The following HTR2A variants were observed in gnomAD, a reference collection of about 807,000 sequenced individuals.
HTR2A encodes the protein 5-HT2 receptor.
In HTR2A, 14 loss-of-function variants were observed where a neutral mutation model predicts 31.0. That is an observed-to-expected ratio of 0.45 (90% CI 0.30 to 0.71). The LOEUF is 0.71. Among genes scored for constraint, HTR2A ranks in the 30% least tolerant of loss-of-function variants. HTR2A has a pLI of 0.09. For synonymous variants in HTR2A, 209 were observed against 225.2 expected, an observed-to-expected ratio of 0.93 and a Z score of 0.64; for missense variants, 442 against 573.3, an observed-to-expected ratio of 0.77 and a Z score of 2.34.
chr13:46,872,324 T>C (rs994316714), intron 3 of HTR2A, among the ~76,000 whole-genome samples: 5 of 146,672 alleles, frequency 3.4e-5, no homozygotes, highest in Admixed American at 2.1e-4. Flanking sequence ...CTGTATTGCA[T>C]GGTTTATTTG....
chr13:46,893,023 C>T (rs1951067271), intron 2 of HTR2A, among the ~76,000 whole-genome samples: 1 of 152,204 alleles, frequency 6.6e-6, no homozygotes, highest in Non-Finnish European at 1.5e-5. Flanking sequence ...AGTCTCACCT[C>T]TTAGTCATTA....
Position 46,834,570 on chromosome 13 carries a change from A to G in HTR2A, c.*267T>C. The stretch of plus-strand genomic sequence containing the variant: ...TAGGGCTTCATAATTATACAATAAA[A>G]GTGAATCATTTTAAAGACATATCAT... On this transcript the variant is annotated 3_prime_UTR_variant, in exon 4 of 4. Coordinates refer to ENST00000542664, the MANE Select transcript of HTR2A (RefSeq NM_000621.5). 2.5e-6 allele frequency: 1 copy of G among 397,450 alleles called. No homozygotes were observed. Among genetic ancestry groups the G allele is most frequent in the South Asian group, 5.4e-5 (1 of 18,552 alleles). 24.6% of individuals were successfully genotyped at this position (397,450 alleles called of 1,614,324 possible).
At chr13:46,885,489 C>T (rs151302640) in intron 3 of HTR2A, among the ~76,000 whole-genome samples, 17 of 152,294 alleles carry the variant, frequency 1.1e-4, no homozygotes, top group Non-Finnish European at 2.1e-4. Context: ...TTTTTAAGAT[C>T]TTCAAAATAT....
At chr13:46,865,545 T>C (rs1023831558) in intron 3 of HTR2A, among the ~76,000 whole-genome samples, 1 of 152,218 alleles carries the variant, frequency 6.6e-6, no homozygotes, top group Non-Finnish European at 1.5e-5. Flanking sequence ...CTGGGTCACC[T>C]GGACTGTACT....
rs36212791 is a variant in HTR2A, at chr13:46,896,888, C to T, written c.-543G>A. On this transcript the variant is annotated 5_prime_UTR_variant, in exon 1 of 4. In the 5' UTR this introduces an upstream ATG that the reference lacks. Transcript: ENST00000542664. The stretch of plus-strand genomic sequence containing the variant: ...AGGATCCTGTTGGCTTCCTCTGGCA[C>T]GGCTCGGCTGGGTTCCTCCCTCCCT... The T allele has an allele frequency of 8.7e-6, 13 of 1,489,894 alleles. No homozygotes were observed. The highest frequency in any genetic ancestry group is 2.5e-5 in the East Asian group (1 of 40,458). The allele number at this position is 1,489,894 out of a possible 1,614,324, so 92.3% of individuals were successfully genotyped here.
chr13:46,865,664 G>T (rs571234345), intron 3 of HTR2A, among the ~76,000 whole-genome samples: 1 of 152,344 alleles, frequency 6.6e-6, no homozygotes, highest in East Asian at 1.9e-4. Context: ...AATGTGGCTG[G>T]TGTGACAGAG....
intron 3 of HTR2A, among the ~76,000 whole-genome samples, chr13:46,848,088 TG>T (rs1950657096): frequency 6.6e-6 from 1 of 152,238 alleles, no homozygotes; most frequent in Non-Finnish European, 1.5e-5. Flanking sequence ...TTGGTTTTAC[TG>T]TCTTTCAGTG....
At chr13:46,862,229 T>C (rs1453754374) in intron 3 of HTR2A, among the ~76,000 whole-genome samples, 2 of 152,232 alleles carry the variant, frequency 1.3e-5, no homozygotes, top group African/African-American at 4.8e-5. Context: ...AATGCATATG[T>C]GGTTTTGAAC....
chr13:46,896,257 A>G, intron 1 of HTR2A, 23 bp from the exon 2 acceptor site: 2 of 1,092,602 alleles, frequency 1.8e-6, no homozygotes, highest in Admixed American at 4.6e-5. Flanking sequence ...GAAAAGTTTT[A>G]TAACTACTGG....
chr13:46,849,758 T>A (rs1950668168), intron 3 of HTR2A, among the ~76,000 whole-genome samples: 1 of 152,188 alleles, frequency 6.6e-6, no homozygotes. Flanking sequence ...TTTCTCTGAT[T>A]TGTTTTTTTC....
At position 46,842,297 on chromosome 13, in the gene HTR2A, C is replaced by T. The variant is rs185187308; in HGVS notation, c.614-6658G>A. 1.6e-4 allele frequency among the ~76,000 whole-genome samples: 24 copies of T among 152,184 alleles called. No homozygotes were observed. In the East Asian group the frequency reaches 4.4e-3, roughly 28 times the overall value. On this transcript the variant is annotated intron_variant, in intron 3 of 3. Coordinates refer to ENST00000542664, the MANE Select transcript of HTR2A (RefSeq NM_000621.5). ...ATTTAGAAAAAAAACTCATCTCTGT[C>T]CTACATTATTGGGCCCCATCTTGAA... is the stretch of plus-strand genomic sequence containing the variant.
At chr13:46,891,086 T>A (rs1426825623) in intron 3 of HTR2A, among the ~76,000 whole-genome samples, 2 of 152,162 alleles carry the variant, frequency 1.3e-5, no homozygotes, top group East Asian at 3.8e-4. Flanking sequence ...AAGTTTAGAG[T>A]CCTAGTCCTG....
intron 3 of HTR2A, among the ~76,000 whole-genome samples, chr13:46,862,274 T>C (rs1950785351): frequency 6.6e-6 from 1 of 152,216 alleles, no homozygotes; most frequent in African/African-American, 2.4e-5. Context: ...TTAGAGGAGA[T>C]AGGCTCAAAG....
chr13:46,885,719 G>A (rs780805646), intron 3 of HTR2A, among the ~76,000 whole-genome samples: 3 of 152,244 alleles, frequency 2.0e-5, no homozygotes, highest in Admixed American at 6.5e-5. Context: ...GAGAGTGCAA[G>A]TGGTGCCATA....
chr13:46,897,475 T>C (rs1951113530), upstream of HTR2A, among the ~76,000 whole-genome samples: 1 of 152,180 alleles, frequency 6.6e-6, no homozygotes, highest in Admixed American at 6.5e-5. Flanking sequence ...TTTTATTTAA[T>C]AGATACACCA....
chr13:46,880,891 G>A (rs577211808), intron 3 of HTR2A, among the ~76,000 whole-genome samples: 20 of 152,190 alleles, frequency 1.3e-4, no homozygotes, highest in Non-Finnish European at 2.2e-4. Flanking sequence ...TGACCTGATC[G>A]TTTCTTAATT....
intron 3 of HTR2A, among the ~76,000 whole-genome samples, chr13:46,845,726 A>C (rs1310241444): frequency 6.6e-6 from 1 of 152,064 alleles, no homozygotes; most frequent in South Asian, 2.1e-4. Flanking sequence ...TTACAGGGAA[A>C]TATATCTGCT....
Position 46,887,295 on chromosome 13 carries a change from C to T in HTR2A, c.613+5095G>A, listed in dbSNP as rs187974397. 5.1e-3 allele frequency among the ~76,000 whole-genome samples: 780 copies of T among 151,622 alleles called. 4 individuals carry two copies. Among genetic ancestry groups the T allele is most frequent in the African/African-American group, 0.011 (457 of 41,334 alleles). On this transcript the variant is annotated intron_variant, in intron 3 of 3. Transcript: ENST00000542664. Reference sequence around the variant, plus strand: ...AAATTTAGCCGGGTGTGGTGGCGGGCGCCTGTAGTCCCAGCTACTTGGGAG... The same window carrying T: ...AAATTTAGCCGGGTGTGGTGGCGGGTGCCTGTAGTCCCAGCTACTTGGGAG...
rs1951092548 is a variant in HTR2A at position 46,895,338 on chromosome 13, T to C, written c.412+157A>G. On this transcript the variant is annotated intron_variant, in intron 2 of 3. Transcript: ENST00000542664. The surrounding 1 kb of genome is among the most constrained non-coding windows in gnomAD (Gnocchi z 4.4). Reference sequence around the variant, plus strand: ...CTGATTTTTATGTGAAATCCCATTTTAAGAGTAAAATATAAGTAACATAGT... The same window carrying C: ...CTGATTTTTATGTGAAATCCCATTTCAAGAGTAAAATATAAGTAACATAGT... The C allele has an allele frequency of 1.5e-6, 1 of 672,692 alleles. No individual in the cohort carries two copies. The allele number at this position is 672,692 out of a possible 1,614,324, so 41.7% of individuals were successfully genotyped here. A position where few individuals can be genotyped will look rare whatever the true frequency, so the allele number is the denominator to read the frequency against.
Sources: allele counts gnomAD v4.1 joint callset (sites outside exome capture counted in the v4.1 genomes callset), GRCh38; gene constraint gnomAD v4.1.1; non-coding constraint Gnocchi (gnomAD v3.1); transcripts MANE v1.5; gene names NCBI Gene and HGNC (gene_info 2026-07-23, HGNC 2026-07-21).